Variants in CACNA2D1 observed in about 807,000 individuals in gnomAD.
The protein encoded by CACNA2D1 is voltage-dependent calcium channel subunit alpha-2/delta-1.
In CACNA2D1, 53 loss-of-function variants were observed where a neutral mutation model predicts 171.5. That is an observed-to-expected ratio of 0.31 (90% CI 0.25 to 0.39). The LOEUF is 0.39. Among genes scored for constraint, CACNA2D1 ranks in the 10% least tolerant of loss-of-function variants. The pLI is 1.00. For synonymous variants in CACNA2D1, 442 were observed against 443.1 expected, an observed-to-expected ratio of 1.00 and a Z score of 0.03; for missense variants, 903 against 1,299.8, an observed-to-expected ratio of 0.69 and a Z score of 4.69.
chr7:82,297,551 T>C (rs930614565), intron 3 of CACNA2D1, among the ~76,000 whole-genome samples: 3 of 152,170 alleles, frequency 2.0e-5, no homozygotes, highest in Non-Finnish European at 1.5e-5. Context: ...AAAAAAATTT[T>C]TGTAAAAAAG....
intron 4 of CACNA2D1, among the ~76,000 whole-genome samples, chr7:82,147,184 T>C (rs1006731264): frequency 6.6e-6 from 1 of 151,974 alleles, no homozygotes; most frequent in Non-Finnish European, 1.5e-5. Flanking sequence ...AAATTCCAAG[T>C]AGACTGATTT....
intron 7 of CACNA2D1, among the ~76,000 whole-genome samples, chr7:82,075,615 C>T (rs1808868518): frequency 1.3e-5 from 2 of 152,092 alleles, no homozygotes; most frequent in Non-Finnish European, 2.9e-5. Flanking sequence ...TTGCTAAAAA[C>T]ATAAAACAAA....
chr7:82,103,913 C>CAA (rs140993000), intron 6 of CACNA2D1, among the ~76,000 whole-genome samples: 14 of 151,884 alleles, frequency 9.2e-5, no homozygotes, highest in African/African-American at 3.4e-4. Context: ...AGATTATAAA[C>CAA]AAAAAATATA....
chr7:82,342,759 A>G (rs1437816415), intron 2 of CACNA2D1, among the ~76,000 whole-genome samples: 1 of 152,178 alleles, frequency 6.6e-6, no homozygotes, highest in East Asian at 1.9e-4. Flanking sequence ...GTGATTCAGT[A>G]ATGGATGAAA....
At chr7:82,238,735 G>A (rs2214726) in intron 3 of CACNA2D1, among the ~76,000 whole-genome samples, 2 of 152,004 alleles carry the variant, frequency 1.3e-5, no homozygotes, top group African/African-American at 2.4e-5. Context: ...CTTTTGTATC[G>A]TCAGTGTTAT....
intron 1 of CACNA2D1, among the ~76,000 whole-genome samples, chr7:82,394,124 G>T (rs1016032897): frequency 6.6e-6 from 1 of 152,138 alleles, no homozygotes; most frequent in South Asian, 2.1e-4. Context: ...TCAAAGGAGG[G>T]TTTTATTAAC....
At chr7:82,176,440 C>A (rs1013257282) in intron 3 of CACNA2D1, among the ~76,000 whole-genome samples, 1 of 151,944 alleles carries the variant, frequency 6.6e-6, no homozygotes, top group African/African-American at 2.4e-5. Context: ...GGAAAATCTT[C>A]ATGTGCAGAG....
At chr7:82,229,386 A>C (rs1802670747) in intron 3 of CACNA2D1, among the ~76,000 whole-genome samples, 1 of 152,160 alleles carries the variant, frequency 6.6e-6, no homozygotes, top group Non-Finnish European at 1.5e-5. Context: ...TCAAACTATA[A>C]ATAGCAGTAG....
At chr7:82,226,079 G>C (rs1802331899) in intron 3 of CACNA2D1, among the ~76,000 whole-genome samples, 1 of 152,066 alleles carries the variant, frequency 6.6e-6, no homozygotes, top group South Asian at 2.1e-4. Context: ...AAATGTCCTA[G>C]GTAGTTGTCA....
intron 7 of CACNA2D1, 128 bp from the exon 8 acceptor site, chr7:82,066,652 A>C (rs1277338591): frequency 7.4e-7 from 1 of 1,357,626 alleles, no homozygotes; most frequent in Non-Finnish European, 9.8e-7. Context: ...TGTTCAAATG[A>C]GAGATATCAT....
At chr7:82,303,776 T>C (rs1201964314) in intron 3 of CACNA2D1, among the ~76,000 whole-genome samples, 4 of 151,978 alleles carry the variant, frequency 2.6e-5, no homozygotes, top group African/African-American at 9.7e-5. Flanking sequence ...CAAGAGAAGA[T>C]AGGGGAGACA....
At chr7:82,387,126 C>T (rs1044672733) in intron 1 of CACNA2D1, among the ~76,000 whole-genome samples, 28 of 152,012 alleles carry the variant, frequency 1.8e-4, no homozygotes, top group African/African-American at 6.0e-4. Context: ...GGTCATATGT[C>T]TTTTATAAAT....
At chr7:82,255,120 CATTTGG>C (rs1352825757) in intron 3 of CACNA2D1, among the ~76,000 whole-genome samples, 1 of 152,114 alleles carries the variant, frequency 6.6e-6, no homozygotes, top group Non-Finnish European at 1.5e-5. Context: ...CTGTTCTGAC[CATTTGG>C]ATTTCTCTGC....
intron 3 of CACNA2D1, among the ~76,000 whole-genome samples, chr7:82,173,927 C>A (rs1264243083): frequency 6.6e-6 from 1 of 151,292 alleles, no homozygotes; most frequent in Admixed American, 6.6e-5. Context: ...CCTATCATCC[C>A]AGCTACTCAG....
chr7:82,430,693 G>C (rs1437046160), intron 1 of CACNA2D1, among the ~76,000 whole-genome samples: 1 of 152,154 alleles, frequency 6.6e-6, no homozygotes, highest in South Asian at 2.1e-4. Context: ...TCAGCTGGAT[G>C]AGTCAAGTAA....
rs190100829 is a variant in CACNA2D1, at chr7:82,029,701, A to C, written c.1143+3096T>G. ...TGGAGGGGATATCCATTTGAAACAG[A>C]TATAAATATGTGTGGATATATATAT... On this transcript the variant is annotated intron_variant, in intron 12 of 38. Coordinates refer to ENST00000356860, the MANE Select transcript of CACNA2D1 (RefSeq NM_000722.4). The C allele has an allele frequency of 2.8e-4, 42 of 151,774 alleles. 1 individual carries two copies. Among genetic ancestry groups the C allele is most frequent in the African/African-American group, 1.0e-3 (42 of 41,378 alleles). The allele number at this position is 151,774 out of a possible 1,614,324, so 9.4% of individuals were successfully genotyped here.
chr7:81,979,361 C>A (rs1796207146), intron 24 of CACNA2D1, among the ~76,000 whole-genome samples: 1 of 152,074 alleles, frequency 6.6e-6, no homozygotes, highest in African/African-American at 2.4e-5. Flanking sequence ...CTAATACCTG[C>A]TGGATTAAAC....
chr7:82,345,753 T>C (rs1280499000), intron 2 of CACNA2D1, among the ~76,000 whole-genome samples: 1 of 151,806 alleles, frequency 6.6e-6, no homozygotes, highest in Non-Finnish European at 1.5e-5. Context: ...ATAATTCAGA[T>C]TATTAAAAAT....
intron 3 of CACNA2D1, among the ~76,000 whole-genome samples, chr7:82,328,618 C>T (rs768418539): frequency 2.0e-5 from 3 of 152,168 alleles, no homozygotes; most frequent in Admixed American, 6.6e-5. Flanking sequence ...CATCCTTCTA[C>T]ATTCAGACTA....
Sources: allele counts gnomAD v4.1 joint callset (sites outside exome capture counted in the v4.1 genomes callset), GRCh38; gene constraint gnomAD v4.1.1; transcripts MANE v1.5; gene names NCBI Gene and HGNC (gene_info 2026-07-23, HGNC 2026-07-21).